Variants in NUTM2G observed in about 807,000 individuals in gnomAD.
NUTM2G encodes the protein NUT family member 2G.
NUTM2G carries 29 observed loss-of-function variants against 44.3 expected under a neutral mutation model. That is an observed-to-expected ratio of 0.66 (90% confidence interval 0.49 to 0.89). The LOEUF (loss-of-function observed/expected upper bound fraction) is 0.89, where lower values mean the gene tolerates loss of function less well. Ranked by LOEUF, NUTM2G falls within the 40% of genes least tolerant of loss-of-function variation. The probability of loss-of-function intolerance (pLI) is 0.00; values close to 1 mark genes in which losing one functional copy is unlikely to be tolerated. For synonymous variants in NUTM2G, 205 were observed against 395.9 expected, an observed-to-expected ratio of 0.52 and a Z score of 5.72; for missense variants, 502 against 946.5, an observed-to-expected ratio of 0.53 and a Z score of 6.16.
At chr9:96,942,853 G>A (rs912474670), downstream of NUTM2G, 3 of 151,792 alleles carry the variant, frequency 2.0e-5, no homozygotes, top group Non-Finnish European at 4.4e-5. Flanking sequence ...AAATGTAAGT[G>A]GATGGTTACT....
In NUTM2G at chr9:96,931,706, T is replaced by C; in HGVS notation, c.17-16T>C. On this transcript the variant is annotated splice_polypyrimidine_tract_variant and intron_variant, in intron 1 of 6. Transcript: ENST00000372322. ...GGAGACGCCAGCTCATTCACCTCTT[T>C]CCTTTGTCTCCACAGCATACCCAGT... The C allele has an allele frequency of 1.9e-6, 3 of 1,611,210 alleles. No individual in the cohort carries two copies. Among genetic ancestry groups the C allele is most frequent in the Non-Finnish European group, 1.7e-6 (2 of 1,179,656 alleles).
chr9:96,932,683 A>C, intron 2 of NUTM2G, among the ~76,000 whole-genome samples: 2 of 138,178 alleles, frequency 1.4e-5, no homozygotes, highest in East Asian at 2.1e-4. Context: ...ATGGACTTTC[A>C]CTCTTGTTGC....
At position 96,936,415 on chromosome 9, in the gene NUTM2G, T is replaced by C; in HGVS notation, c.843-10T>C. ...CCTCTCAGCACAGCCTGGGCCTCCT[T>C]CACCCCCAGGTTCCTGGAGTTTGAG... On this transcript the variant is annotated splice_polypyrimidine_tract_variant and intron_variant, in intron 3 of 6. Transcript: ENST00000372322. The C allele has an allele frequency of 6.4e-7, 1 of 1,574,522 alleles. No individual in the cohort carries two copies. Among genetic ancestry groups the C allele is most frequent in the Non-Finnish European group, 8.6e-7 (1 of 1,168,452 alleles).
At chr9:96,934,243 A>G (rs1266745080) in intron 2 of NUTM2G, among the ~76,000 whole-genome samples, 1 of 152,168 alleles carries the variant, frequency 6.6e-6, no homozygotes, top group Non-Finnish European at 1.5e-5. Flanking sequence ...ACCCCACGGC[A>G]CCTCTGTGAC....
chr9:96,930,851 TGGGCGAGTTTCCATCCAGTGG>T, intron 1 of NUTM2G, among the ~76,000 whole-genome samples: 1 of 143,818 alleles, frequency 7.0e-6, no homozygotes, highest in Non-Finnish European at 1.5e-5. Context: ...GGCGCTGGCT[TGGGCGAGTTTCCATCCAGTGG>T]TTTTTTTTTT....
chr9:96,937,236 C>T lies in NUTM2G; in HGVS notation c.1155C>T (p.Asp385=), dbSNP rs1826462845. 1 of 1,613,288 alleles carries T rather than the reference C, an allele frequency of 6.2e-7. No individual in the cohort carries two copies. Among genetic ancestry groups the T allele is most frequent in the East Asian group, 2.2e-5 (1 of 44,874 alleles). The change falls in exon 5 of 7, where the codon GAC becomes GAT. Residue 385 remains aspartate, a synonymous_variant. Transcript: ENST00000372322. Reference sequence around the variant, plus strand: ...CTGAAGTGGTGCAGGAGTATGTGGACATCATGGAGGAGCTGCTGGGGTCTC... The same window carrying T: ...CTGAAGTGGTGCAGGAGTATGTGGATATCATGGAGGAGCTGCTGGGGTCTC... ...IPPEVVQEYV[D]IMEELLGSHP... is the part of the protein sequence containing the mutation.
chr9:96,932,784 T>C (rs1170622933), intron 2 of NUTM2G, among the ~76,000 whole-genome samples: 1 of 151,326 alleles, frequency 6.6e-6, no homozygotes, highest in Non-Finnish European at 1.5e-5. Flanking sequence ...TCCTGAGTAG[T>C]TGGGATTACA....
chr9:96,930,879 T>G (rs1300918574), intron 1 of NUTM2G, among the ~76,000 whole-genome samples: 441 of 61,476 alleles, frequency 7.2e-3, no homozygotes, highest in Non-Finnish European at 9.1e-3. Flanking sequence ...GTGGTTTTTT[T>G]TTTTTTTTTT....
At position 96,937,093 on chromosome 9, in the gene NUTM2G, G is replaced by A; in HGVS notation, c.1012G>A (p.Ala338Thr). ...VYLPSKDGPK[A>T]PTACLPPPRP... is the part of the protein sequence containing the mutation. ...CCTTCCCAGCAAGGATGGCCCCAAGGCCCCGACTGCCTGCCTGCCACCACC... is the reference window on the plus strand; with the variant it reads ...CCTTCCCAGCAAGGATGGCCCCAAGACCCCGACTGCCTGCCTGCCACCACC... Residue 338 changes from alanine to threonine, a missense_variant, in exon 5 of 7, where the codon GCC becomes ACC. Ala to Thr is a moderately conservative substitution (Grantham distance 58). Transcript: ENST00000372322. The A allele has an allele frequency of 6.2e-7, 1 of 1,610,208 alleles. No individual in the cohort carries two copies. The highest frequency in any genetic ancestry group is 8.5e-7 in the Non-Finnish European group (1 of 1,179,272).
chr9:96,937,392 C>T lies in NUTM2G; in HGVS notation c.1311C>T (p.Asp437=), dbSNP rs927362152. The T allele has an allele frequency of 4.3e-6, 7 of 1,613,388 alleles. No homozygotes were observed. The Admixed American group carries it at 5.0e-5, about 12-fold the overall frequency. The change falls in exon 5 of 7, where the codon GAC becomes GAT. Residue 437 remains aspartate (D), a synonymous_variant. Coordinates refer to ENST00000372322, the MANE Select transcript of NUTM2G (RefSeq NM_001170741.3). Reference sequence around the variant, plus strand: ...TTGACAAGCTGTGTTCCCAGGAAGACTTTGTCACCAAGGTGGGCTTGCCTG... The same window carrying T: ...TTGACAAGCTGTGTTCCCAGGAAGATTTTGTCACCAAGGTGGGCTTGCCTG... ...SYIDKLCSQE[D]FVTKVEAVIH... is the part of the protein sequence containing the mutation.
At chr9:96,932,526 G>A (rs1826296975) in intron 2 of NUTM2G, 108 bp downstream of exon 2, 9 of 1,276,568 alleles carry the variant, frequency 7.1e-6, no homozygotes, top group Non-Finnish European at 1.0e-5. Context: ...GCGGTTGTGA[G>A]GGTGATGGGT....
downstream of NUTM2G, among the ~76,000 whole-genome samples, chr9:96,940,930 G>A (rs1826575925): frequency 6.6e-6 from 1 of 152,136 alleles, no homozygotes; most frequent in African/African-American, 2.4e-5. Flanking sequence ...GGCTTCCCCA[G>A]CTGAGGGCAC....
rs1826260670 is a variant in NUTM2G, at chr9:96,931,994, G to A, written c.289G>A (p.Ala97Thr). 4 of 1,610,582 alleles carry A rather than the reference G, an allele frequency of 2.5e-6. No homozygotes were observed. In the South Asian group the frequency reaches 3.3e-5, roughly 13 times the overall value. The part of the protein sequence containing the change: ...TEVGPVKPPQ[A>T]QTLILTQAPL... ...AGTGGGGCCTGTGAAGCCCCCTCAG[G>A]CACAGACCTTGATCCTAACTCAGGC... The change falls in exon 2 of 7, where the codon GCA (alanine) becomes ACA (threonine). Residue 97 changes from alanine (A) to threonine (T), a missense_variant. Ala to Thr is a moderately conservative substitution (Grantham distance 58). Coordinates refer to ENST00000372322, the MANE Select transcript of NUTM2G (RefSeq NM_001170741.3).
In NUTM2G at chr9:96,938,629, C is replaced by A. The variant is rs766233202; in HGVS notation, c.1706C>A (p.Ser569Tyr). The change falls in exon 7 of 7, where the codon TCC becomes TAC. Residue 569 changes from serine (S) to tyrosine (Y), a missense_variant. Transcript: ENST00000372322. ...DPAVLLGCQD[S>Y]PRLKAVRPTS... ...GCTGTGCTTTTGGGATGTCAGGACT[C>A]CCCCAGGCTGAAGGCTGTCCGGCCA... 3.1e-6 allele frequency: 5 copies of A among 1,599,912 alleles called. 1 individual carries two copies. Among genetic ancestry groups the A allele is most frequent in the Admixed American group, 3.3e-5 (2 of 59,772 alleles).
rs199887065 is a variant in NUTM2G, at chr9:96,937,921, T to A, written c.1360T>A (p.Leu454Met). Residue 454 changes from leucine to methionine, a missense_variant, in exon 6 of 7, where the codon TTG (leucine) becomes ATG (methionine). Leu to Met is a conservative substitution (Grantham distance 15, BLOSUM62 2). Transcript: ENST00000372322. ...AVIHPRFLEE[L>M]LSPDPQMDFL... is the part of the protein sequence containing the mutation. ...CATTCACCCCCGATTCCTGGAAGAATTGCTTTCCCCAGATCCACAGATGGA... is the reference window on the plus strand; with the variant it reads ...CATTCACCCCCGATTCCTGGAAGAAATGCTTTCCCCAGATCCACAGATGGA... 1.6e-5 allele frequency: 26 copies of A among 1,611,770 alleles called. No individual in the cohort carries two copies. In the African/African-American group the frequency reaches 3.2e-4, roughly 20 times the overall value.
At chr9:96,930,872 G>GTTTTTTTTTTATTTTTTTTTTT (rs1826218335) in intron 1 of NUTM2G, among the ~76,000 whole-genome samples, 1 of 72,656 alleles carries the variant, frequency 1.4e-5, no homozygotes, top group Non-Finnish European at 2.5e-5. Flanking sequence ...CCATCCAGTG[G>GTTTTTTTTTTATTTTTTTTTTT]TTTTTTTTTT....
At chr9:96,935,805 G>T (rs1826412870) in intron 3 of NUTM2G, among the ~76,000 whole-genome samples, 1 of 152,170 alleles carries the variant, frequency 6.6e-6, no homozygotes. Flanking sequence ...TGGGGGGCAG[G>T]CTCCTCACAG....
At position 96,931,938 on chromosome 9, in the gene NUTM2G, C is replaced by T. The variant is rs1193274618; in HGVS notation, c.233C>T (p.Ala78Val). The change falls in exon 2 of 7, where the codon GCT becomes GTT. Residue 78 changes from alanine to valine, a missense_variant. Coordinates refer to ENST00000372322, the MANE Select transcript of NUTM2G (RefSeq NM_001170741.3). ...GGCCGCGGCCCAAGTGGGGCTGGGGCTTCCAACGTCTTTGTCCAGATGAGG... is the reference window on the plus strand; with the variant it reads ...GGCCGCGGCCCAAGTGGGGCTGGGGTTTCCAACGTCTTTGTCCAGATGAGG... ...QDGRGPSGAG[A>V]SNVFVQMRTE... 27 of 1,611,906 alleles carry T rather than the reference C, an allele frequency of 1.7e-5. No individual in the cohort carries two copies. Among genetic ancestry groups the T allele is most frequent in the Non-Finnish European group, 2.3e-5 (27 of 1,179,856 alleles).
Position 96,937,140 on chromosome 9 carries a change from G to A in NUTM2G, c.1059G>A (p.Glu353=). The change falls in exon 5 of 7, where the codon GAG becomes GAA. Residue 353 remains glutamate, a synonymous_variant. Transcript: ENST00000372322. ...CACCCAGGCCCCAGAGGCCAGCGGA[G>A]ACCAAGGCCCACCTGCCACCACCCA... ...LPPPRPQRPA[E]TKAHLPPPRP... 2 of 1,611,960 alleles carry A rather than the reference G, an allele frequency of 1.2e-6. No individual in the cohort carries two copies. The highest frequency in any genetic ancestry group is 1.7e-6 in the Non-Finnish European group (2 of 1,179,782).
Sources: gnomAD v4.1 joint callset for allele counts (sites outside exome capture counted in the v4.1 genomes callset) on GRCh38, gnomAD v4.1.1 for gene constraint, MANE v1.5 for transcripts, NCBI Gene and HGNC (gene_info 2026-07-23, HGNC 2026-07-21) for gene names.